Variants in SLC12A8 observed in about 807,000 individuals in gnomAD.
The protein encoded by SLC12A8 is cation-chloride cotransporter 9.
SLC12A8 carries 69 observed loss-of-function variants against 75.6 expected under a neutral mutation model. The ratio of observed to expected loss-of-function variants is 0.91; its 90% CI spans 0.75 to 1.11. The LOEUF is 1.11. SLC12A8 is among the 50% of genes most tolerant of loss of function. The pLI, the probability that SLC12A8 is intolerant of heterozygous loss-of-function variation, is 0.00. For synonymous variants in SLC12A8, 365 were observed against 372.8 expected (o/e 0.98, Z 0.24); for missense variants, 877 against 896.7 (o/e 0.98, Z 0.28).
chr3:125,104,853 A>G (rs559600700), intron 10 of SLC12A8, among the ~76,000 whole-genome samples: 1 of 152,294 alleles, frequency 6.6e-6, no homozygotes, highest in African/African-American at 2.4e-5. Flanking sequence ...TGCCTGGAAT[A>G]TAAATGTAAT....
At chr3:125,156,464 G>GTT (rs1478551744) in intron 5 of SLC12A8, among the ~76,000 whole-genome samples, 1 of 152,084 alleles carries the variant, frequency 6.6e-6, no homozygotes, top group Non-Finnish European at 1.5e-5. Context: ...CCTTTTAAAT[G>GTT]TTTTCATCAT....
At chr3:125,156,971 T>C (rs970934892) in intron 5 of SLC12A8, among the ~76,000 whole-genome samples, 1 of 152,226 alleles carries the variant, frequency 6.6e-6, no homozygotes, top group African/African-American at 2.4e-5. Flanking sequence ...TGTTTGTTTG[T>C]TTGCTTGCTT....
chr3:125,107,852 C>T lies in SLC12A8; in HGVS notation c.1334G>A (p.Gly445Glu), dbSNP rs1054022375. 2.5e-6 allele frequency: 4 copies of T among 1,614,076 alleles called. No individual in the cohort carries two copies. The African/African-American group carries it at 4.0e-5, about 16-fold the overall frequency. The change falls in exon 10 of 14, where the codon GGA becomes GAA. Residue 445 changes from glycine to glutamate, a missense_variant. Coordinates refer to ENST00000469902, the MANE Select transcript of SLC12A8 (RefSeq NM_024628.6). Reference sequence around the variant, plus strand: ...GCCCTCCAAGACTCTTTGGGCAGGTCCCTCAGAGCCGTAACTGGGAGCTTT... The same window carrying T: ...GCCCTCCAAGACTCTTTGGGCAGGTTCCTCAGAGCCGTAACTGGGAGCTTT... Reference protein sequence around the residue: ...LEKAPSYGSEGPAQRVLEGTL... With the variant: ...LEKAPSYGSEEPAQRVLEGTL...
chr3:125,084,512 C>T (rs1938409304), intron 13 of SLC12A8, among the ~76,000 whole-genome samples: 1 of 152,168 alleles, frequency 6.6e-6, no homozygotes, highest in Non-Finnish European at 1.5e-5. Context: ...CTAAGGCTCA[C>T]ACAGCAAGCA....
rs199746556 is a variant in SLC12A8, at chr3:125,107,841, T to C, written c.1345A>G (p.Arg449Gly). The change falls in exon 10 of 14, where the codon AGA becomes GGA. Residue 449 changes from arginine (R) to glycine (G), a missense_variant. By Grantham distance (125) the Arg-to-Gly change is moderately radical. Transcript: ENST00000469902. The part of the protein sequence containing the change: ...PSYGSEGPAQ[R>G]VLEGTLLEFT... ...TCCAGTAGCGTGCCCTCCAAGACTCTTTGGGCAGGTCCCTCAGAGCCGTAA... is the reference window on the plus strand; with the variant it reads ...TCCAGTAGCGTGCCCTCCAAGACTCCTTGGGCAGGTCCCTCAGAGCCGTAA... 14 of 1,614,168 alleles carry C rather than the reference T, an allele frequency of 8.7e-6. No homozygotes were observed. Among genetic ancestry groups the C allele is most frequent in the Admixed American group, 1.7e-5 (1 of 60,020 alleles).
At chr3:125,198,876 C>T (rs796845819) in intron 2 of SLC12A8, among the ~76,000 whole-genome samples, 29 of 151,390 alleles carry the variant, frequency 1.9e-4, no homozygotes, top group African/African-American at 6.8e-4. Context: ...CTCTCGAGTT[C>T]ATGCCATTCC....
At chr3:125,170,864 G>A (rs911694472) in intron 5 of SLC12A8, among the ~76,000 whole-genome samples, 2 of 152,124 alleles carry the variant, frequency 1.3e-5, no homozygotes, top group Admixed American at 6.5e-5. Flanking sequence ...GCAGTGAGCC[G>A]AGATCACGCC....
intron 2 of SLC12A8, among the ~76,000 whole-genome samples, chr3:125,199,900 T>C (rs1935087764): frequency 6.6e-6 from 1 of 152,090 alleles, no homozygotes; most frequent in East Asian, 1.9e-4. Flanking sequence ...AGGAAGTGTA[T>C]GTGTGCCAAC....
intron 4 of SLC12A8, among the ~76,000 whole-genome samples, chr3:125,181,745 A>G (rs1413572332): frequency 6.6e-6 from 1 of 151,528 alleles, no homozygotes; most frequent in Non-Finnish European, 1.5e-5. Flanking sequence ...AGAAGAAAAA[A>G]TAACAAAAGA....
intron 2 of SLC12A8, among the ~76,000 whole-genome samples, chr3:125,193,528 G>A (rs975435533): frequency 2.6e-5 from 4 of 152,244 alleles, no homozygotes; most frequent in South Asian, 4.1e-4. Context: ...CCCTTGCGTC[G>A]TGAGAGCTCT....
intron 5 of SLC12A8, among the ~76,000 whole-genome samples, chr3:125,167,765 C>G (rs1490742686): frequency 6.6e-6 from 1 of 152,158 alleles, no homozygotes; most frequent in Non-Finnish European, 1.5e-5. Flanking sequence ...TCTAATACGG[C>G]ATGGTGAAGA....
rs1215286551 is a variant in SLC12A8, at chr3:125,083,744, GA to G, written c.*145del. ...CTCAAAAAAAAAAAAAAAGGGAAAA[GA>G]AAATGTAGATTTCCATTGTCCAAAG... On this transcript the variant is annotated 3_prime_UTR_variant, in exon 14 of 14. Transcript: ENST00000469902. 5 of 722,480 alleles carry G rather than the reference GA, an allele frequency of 6.9e-6. No homozygotes were observed. Among genetic ancestry groups the G allele is most frequent in the Non-Finnish European group, 1.1e-5 (5 of 468,666 alleles). The allele number at this position is 722,480 out of a possible 1,614,324, so 44.8% of individuals were successfully genotyped here. A position where few individuals can be genotyped will look rare whatever the true frequency, so the allele number is the denominator to read the frequency against.
At chr3:125,140,498 T>C (rs1417752754) in intron 5 of SLC12A8, among the ~76,000 whole-genome samples, 1 of 151,900 alleles carries the variant, frequency 6.6e-6, no homozygotes, top group Admixed American at 6.6e-5. Context: ...TCATGGCATC[T>C]CCCCCGGCCC....
rs756018990 is a variant in SLC12A8 at position 125,118,882 on chromosome 3, G to C, written c.825-26C>G. The C allele has an allele frequency of 2.0e-6, 3 of 1,533,058 alleles. No individual in the cohort carries two copies. The Admixed American group carries it at 5.0e-5, about 26-fold the overall frequency. The allele number at this position is 1,533,058 out of a possible 1,614,324, so 95.0% of individuals were successfully genotyped here. ...CTGCAAAACCCAAGAGCAGAACAGA[G>C]CTGCCCCCGACTCACCTCACCCAGC... On this transcript the variant is annotated intron_variant, in intron 7 of 13. Transcript: ENST00000469902.
At chr3:125,184,271 T>G (rs776243579) in intron 4 of SLC12A8, among the ~76,000 whole-genome samples, 4 of 152,128 alleles carry the variant, frequency 2.6e-5, no homozygotes, top group Non-Finnish European at 4.4e-5. Flanking sequence ...ACGCCCGACC[T>G]GCAAGCTTTT....
rs755280245 is a variant in SLC12A8, at chr3:125,110,348, C to A, written c.913-13G>T. 1.2e-6 allele frequency: 2 copies of A among 1,605,942 alleles called. No homozygotes were observed. Among genetic ancestry groups the A allele is most frequent in the Non-Finnish European group, 1.7e-6 (2 of 1,174,000 alleles). The stretch of plus-strand genomic sequence containing the variant: ...CCATGAGGGATACCTGTGTGAGAAG[C>A]GGTTTCATTCGCCAGTGCCAGAACC... On this transcript the variant is annotated splice_polypyrimidine_tract_variant and intron_variant, in intron 8 of 13. Coordinates refer to ENST00000469902, the MANE Select transcript of SLC12A8 (RefSeq NM_024628.6).
intron 5 of SLC12A8, among the ~76,000 whole-genome samples, chr3:125,161,852 C>T (rs542465561): frequency 2.0e-4 from 31 of 152,320 alleles, no homozygotes; most frequent in East Asian, 1.5e-3. Flanking sequence ...CAGTATATAA[C>T]GCCTCCCTAA....
At chr3:125,172,389 C>T (rs1267030889) in intron 5 of SLC12A8, among the ~76,000 whole-genome samples, 1 of 152,054 alleles carries the variant, frequency 6.6e-6, no homozygotes, top group Admixed American at 6.6e-5. Flanking sequence ...TCAGTTACCC[C>T]TTGTCTTAAG....
chr3:125,189,838 C>T (rs1389337282), intron 3 of SLC12A8, among the ~76,000 whole-genome samples: 1 of 152,124 alleles, frequency 6.6e-6, no homozygotes, highest in East Asian at 1.9e-4. Flanking sequence ...AAGAAGAGGC[C>T]TTTTGTTCCT....
Sources: allele counts gnomAD v4.1 joint callset (sites outside exome capture counted in the v4.1 genomes callset), GRCh38; gene constraint gnomAD v4.1.1; transcripts MANE v1.5; gene names NCBI Gene and HGNC (gene_info 2026-07-23, HGNC 2026-07-21).